Variants in GABRB3 observed in about 807,000 individuals in gnomAD.
GABRB3 encodes gamma-aminobutyric acid receptor subunit beta-3.
GABRB3 carries 14 observed loss-of-function variants against 52.1 expected under a neutral mutation model. The observed-to-expected ratio is 0.27, with a 90% CI of 0.18 to 0.42. The LOEUF is 0.42. Among genes scored for constraint, GABRB3 ranks in the 10% least tolerant of loss-of-function variants. GABRB3 has a pLI of 1.00. For synonymous variants in GABRB3, 260 were observed against 232.3 expected (o/e 1.12, Z -1.08); for missense variants, 307 against 609.1 (o/e 0.50, Z 5.22).
At chr15:26,697,880 A>G (rs1888793578) in intron 3 of GABRB3, among the ~76,000 whole-genome samples, 1 of 152,200 alleles carries the variant, frequency 6.6e-6, no homozygotes, top group African/African-American at 2.4e-5. Flanking sequence ...CTCCCAGCAG[A>G]ACTCCGGGCT....
At chr15:26,727,211 C>T (rs1889796797) in intron 3 of GABRB3, among the ~76,000 whole-genome samples, 2 of 152,116 alleles carry the variant, frequency 1.3e-5, no homozygotes, top group South Asian at 4.2e-4. Flanking sequence ...TGACTCTCAC[C>T]TGAAATTTTG....
chr15:26,770,776 G>A (rs1891123062), intron 3 of GABRB3, among the ~76,000 whole-genome samples: 1 of 152,172 alleles, frequency 6.6e-6, no homozygotes, highest in South Asian at 2.1e-4. Context: ...GAAGTCCCCA[G>A]TTGAGAAAAT....
chr15:26,631,550 G>C (rs1351062026), intron 3 of GABRB3, among the ~76,000 whole-genome samples: 4 of 152,206 alleles, frequency 2.6e-5, no homozygotes, highest in Admixed American at 6.5e-5. Context: ...GCAAGTTTAT[G>C]ATACAAAACC....
At chr15:26,549,442 T>TCTAC (rs1461156688) in intron 8 of GABRB3, among the ~76,000 whole-genome samples, 1 of 152,136 alleles carries the variant, frequency 6.6e-6, no homozygotes, top group Non-Finnish European at 1.5e-5. Flanking sequence ...CTCTCAGATG[T>TCTAC]CTACAGGTTT....
chr15:26,562,694 C>T (rs560847995), intron 7 of GABRB3, among the ~76,000 whole-genome samples: 77 of 152,310 alleles, frequency 5.1e-4, no homozygotes, highest in African/African-American at 1.7e-3. Context: ...ACAGGGAGAA[C>T]CTTGAGACTG....
At chr15:26,603,796 T>C (rs1891672296) in intron 4 of GABRB3, among the ~76,000 whole-genome samples, 2 of 152,048 alleles carry the variant, frequency 1.3e-5, no homozygotes, top group South Asian at 2.1e-4. Context: ...AAGCCTGATA[T>C]ATCAAGCCCT....
chr15:26,731,995 A>G (rs1889927473), intron 3 of GABRB3, among the ~76,000 whole-genome samples: 1 of 152,186 alleles, frequency 6.6e-6, no homozygotes, highest in Non-Finnish European at 1.5e-5. Flanking sequence ...GGACAGATGG[A>G]CGCGTGGACA....
intron 8 of GABRB3, among the ~76,000 whole-genome samples, chr15:26,554,927 C>T (rs945628088): frequency 2.0e-5 from 3 of 152,152 alleles, no homozygotes; most frequent in African/African-American, 4.8e-5. Flanking sequence ...CGCCTGTAAT[C>T]CCGGCACTTT....
intron 3 of GABRB3, among the ~76,000 whole-genome samples, chr15:26,716,364 C>A (rs1411610048): frequency 6.6e-6 from 1 of 152,194 alleles, no homozygotes; most frequent in East Asian, 1.9e-4. Flanking sequence ...TAGAGAACCA[C>A]AGGCTCCTAA....
intron 8 of GABRB3, among the ~76,000 whole-genome samples, chr15:26,550,840 C>T (rs1049408176): frequency 2.6e-5 from 4 of 152,182 alleles, no homozygotes; most frequent in Non-Finnish European, 2.9e-5. Context: ...AGATAAAACA[C>T]GGTCTTATTT....
chr15:26,707,497 C>G (rs1889142400), intron 3 of GABRB3, among the ~76,000 whole-genome samples: 1 of 151,932 alleles, frequency 6.6e-6, no homozygotes, highest in South Asian at 2.1e-4. Flanking sequence ...AGGCTTAGGG[C>G]AAGAAAGGGT....
intron 3 of GABRB3, among the ~76,000 whole-genome samples, chr15:26,741,033 G>A (rs1707615294): frequency 1.4e-5 from 2 of 138,590 alleles, no homozygotes; most frequent in African/African-American, 5.8e-5. Flanking sequence ...CAGGATGGGC[G>A]AGGGAGGAAT....
At chr15:26,571,845 C>T (rs78720765) in intron 6 of GABRB3, among the ~76,000 whole-genome samples, 11 of 151,964 alleles carry the variant, frequency 7.2e-5, no homozygotes, top group African/African-American at 1.9e-4. Context: ...GTCAAGAGAT[C>T]GAGACCATCC....
intron 3 of GABRB3, among the ~76,000 whole-genome samples, chr15:26,663,330 G>C (rs765483586): frequency 3.9e-5 from 6 of 152,176 alleles, no homozygotes; most frequent in Non-Finnish European, 8.8e-5. Context: ...GTGGGGTGCT[G>C]AAATCTCCAA....
chr15:26,714,310 T>C (rs936714513), intron 3 of GABRB3, among the ~76,000 whole-genome samples: 5 of 152,122 alleles, frequency 3.3e-5, no homozygotes, highest in African/African-American at 1.2e-4. Context: ...ACCCCAAAAA[T>C]CCGAGACAGG....
chr15:26,544,259 G>A lies in GABRB3; in HGVS notation c.*3534C>T, dbSNP rs1368734751. On this transcript the variant is annotated 3_prime_UTR_variant, in exon 9 of 9. Coordinates refer to ENST00000311550, the MANE Select transcript of GABRB3 (RefSeq NM_000814.6). ...CACCAATGGTGGGACAAACACCAAT[G>A]GATTATCTACTAGATGCTGAAAATG... 6.6e-6 allele frequency: 1 copy of A among 152,548 alleles called. No individual in the cohort carries two copies. Among genetic ancestry groups the A allele is most frequent in the African/African-American group, 2.4e-5 (1 of 41,412 alleles). The allele number at this position is 152,548 out of a possible 1,614,324, so 9.4% of individuals were successfully genotyped here. A position where few individuals can be genotyped will look rare whatever the true frequency, so the allele number is the denominator to read the frequency against.
At chr15:26,628,133 A>G (rs1161124510) in intron 3 of GABRB3, among the ~76,000 whole-genome samples, 1 of 152,256 alleles carries the variant, frequency 6.6e-6, no homozygotes. Flanking sequence ...TTATAGACAT[A>G]ATGTTATTGG....
At chr15:26,726,702 G>C (rs541386398) in intron 3 of GABRB3, among the ~76,000 whole-genome samples, 1 of 152,172 alleles carries the variant, frequency 6.6e-6, no homozygotes, top group Non-Finnish European at 1.5e-5. Flanking sequence ...GGAGGGACAC[G>C]ATGTCTCTTT....
chr15:26,731,013 A>T (rs1702512408), intron 3 of GABRB3, among the ~76,000 whole-genome samples: 1 of 152,056 alleles, frequency 6.6e-6, no homozygotes, highest in Admixed American at 6.5e-5. Flanking sequence ...CACTGCTGCG[A>T]AGTCTTATTT....
Sources: gnomAD v4.1 joint callset for allele counts (sites outside exome capture counted in the v4.1 genomes callset) on GRCh38, gnomAD v4.1.1 for gene constraint, MANE v1.5 for transcripts, NCBI Gene and HGNC (gene_info 2026-07-23, HGNC 2026-07-21) for gene names.